TMC1: variants seen among roughly 807,000 people sequenced by gnomAD.
TMC1 encodes transmembrane channel-like protein 1.
Under a neutral mutation model 105.8 loss-of-function variants are expected in TMC1, and 84 were observed. That is an observed-to-expected ratio of 0.79 (90% CI 0.67 to 0.95). The LOEUF (loss-of-function observed/expected upper bound fraction) is 0.95, where lower values mean the gene tolerates loss of function less well. Ranked by LOEUF, TMC1 falls within the 40% of genes least tolerant of loss-of-function variation. TMC1 has a pLI of 0.00. For missense variants in TMC1, 817 were observed against 914.1 expected, an observed-to-expected ratio of 0.89 and a Z score of 1.37; for synonymous variants, 315 against 311.5, an observed-to-expected ratio of 1.01 and a Z score of -0.12.
chr9:72,575,916 C>T (rs1467922468), intron 1 of TMC1, among the ~76,000 whole-genome samples: 5 of 152,114 alleles, frequency 3.3e-5, no homozygotes, highest in Non-Finnish European at 7.4e-5. Flanking sequence ...CTCACACACA[C>T]ACACACACAC....
In TMC1 at chr9:72,653,707, G is replaced by C. The variant is rs532130441; in HGVS notation, c.16+5043G>C. ...TATACATTATAAAAATCATGATAAAGATTTCCGCCGCCTCAAAATGTTTCC... is the reference window on the plus strand; with the variant it reads ...TATACATTATAAAAATCATGATAAACATTTCCGCCGCCTCAAAATGTTTCC... On this transcript the variant is annotated intron_variant, in intron 5 of 23. Transcript: ENST00000297784. 2.6e-5 allele frequency among the ~76,000 whole-genome samples: 4 copies of C among 152,126 alleles called. No individual in the cohort carries two copies. The South Asian group carries it at 8.3e-4, about 32-fold the overall frequency.
intron 5 of TMC1, among the ~76,000 whole-genome samples, chr9:72,670,856 G>C (rs1435186326): frequency 1.3e-5 from 2 of 152,134 alleles, no homozygotes; most frequent in Non-Finnish European, 2.9e-5. Context: ...TGTAAGAAAA[G>C]AAATGGAAAC....
chr9:72,618,726 C>G (rs537630277), intron 3 of TMC1, among the ~76,000 whole-genome samples: 3 of 151,948 alleles, frequency 2.0e-5, no homozygotes, highest in Non-Finnish European at 2.9e-5. Flanking sequence ...CTTATCATAA[C>G]ATATGGATGC....
intron 5 of TMC1, among the ~76,000 whole-genome samples, chr9:72,662,582 A>G (rs1267855717): frequency 6.6e-6 from 1 of 152,138 alleles, no homozygotes; most frequent in Non-Finnish European, 1.5e-5. Context: ...TTTTGCGTGT[A>G]TCAGATCTCA....
chr9:72,826,968 G>A lies in TMC1; in HGVS notation c.2103G>A (p.Leu701=), dbSNP rs779366921. ...TGAGACAGCTTTCAAACCCTGGGCTGGTCATTGCTGTCATTTTGGTGATGG... is the reference window on the plus strand; with the variant it reads ...TGAGACAGCTTTCAAACCCTGGGCTAGTCATTGCTGTCATTTTGGTGATGG... ...KILRQLSNPG[L]VIAVILVMVL... Residue 701 remains leucine (L), a synonymous_variant, in exon 21 of 24, where the codon CTG becomes CTA. Coordinates refer to ENST00000297784, the MANE Select transcript of TMC1 (RefSeq NM_138691.3). 1 of 1,614,064 alleles carries A rather than the reference G, an allele frequency of 6.2e-7. No individual in the cohort carries two copies. Among genetic ancestry groups the A allele is most frequent in the Non-Finnish European group, 8.5e-7 (1 of 1,179,954 alleles).
chr9:72,822,623 C>T (rs1009423151), intron 20 of TMC1, among the ~76,000 whole-genome samples: 3 of 151,312 alleles, frequency 2.0e-5, no homozygotes, highest in Non-Finnish European at 4.4e-5. Context: ...TATGAAATTA[C>T]AGTCTTGATG....
chr9:72,707,093 T>A (rs991820068), intron 8 of TMC1, among the ~76,000 whole-genome samples: 2 of 152,208 alleles, frequency 1.3e-5, no homozygotes, highest in Non-Finnish European at 2.9e-5. Context: ...AATATTTCAC[T>A]CCTTTTTATG....
At chr9:72,624,360 C>T (rs556706163) in intron 3 of TMC1, among the ~76,000 whole-genome samples, 1 of 152,252 alleles carries the variant, frequency 6.6e-6, no homozygotes, top group African/African-American at 2.4e-5. Context: ...AGTGTGAGAT[C>T]TGCTTTGTGT....
At chr9:72,552,912 T>A (rs1587952918) in intron 1 of TMC1, among the ~76,000 whole-genome samples, 1 of 152,322 alleles carries the variant, frequency 6.6e-6, no homozygotes, top group East Asian at 1.9e-4. Context: ...CCATATTAAA[T>A]ATACATATAT....
chr9:72,580,695 T>A (rs1372034573), intron 2 of TMC1, among the ~76,000 whole-genome samples: 2 of 152,132 alleles, frequency 1.3e-5, no homozygotes, highest in Admixed American at 1.3e-4. Flanking sequence ...GGCATTCTGC[T>A]CCAAGCTTGA....
rs10217204 is a variant in TMC1, at chr9:72,616,301, G to A, written c.-305-67G>A. 75,504 of 151,782 alleles carry A rather than the reference G, an allele frequency of 0.5. 19,107 individuals are homozygous for A. Among genetic ancestry groups the A allele is most frequent in the African/African-American group, 0.59 (24,352 of 41,370 alleles). 9.4% of individuals were successfully genotyped at this position (151,782 alleles called of 1,614,324 possible). ...TGGTTTACAGCAGAACTGTGCTACA[G>A]TTATCTGGATTCAGATCCAAGTCCC... On this transcript the variant is annotated intron_variant, in intron 2 of 23. Coordinates refer to ENST00000297784, the MANE Select transcript of TMC1 (RefSeq NM_138691.3).
At chr9:72,613,193 G>A (rs996872319) in intron 2 of TMC1, among the ~76,000 whole-genome samples, 2 of 150,772 alleles carry the variant, frequency 1.3e-5, no homozygotes, top group African/African-American at 4.9e-5. Flanking sequence ...GTGCAATGGC[G>A]GGATCTTGGC....
chr9:72,640,873 C>T (rs1415886009), intron 4 of TMC1, among the ~76,000 whole-genome samples: 1 of 152,054 alleles, frequency 6.6e-6, no homozygotes, highest in East Asian at 1.9e-4. Context: ...CCTCATGATC[C>T]ACCCGCCTCG....
intron 6 of TMC1, among the ~76,000 whole-genome samples, chr9:72,688,990 A>C (rs111622277): frequency 1.3e-5 from 2 of 152,230 alleles, no homozygotes; most frequent in African/African-American, 4.8e-5. Context: ...CTGAAAAATC[A>C]ACAAGCAAAA....
intron 1 of TMC1, among the ~76,000 whole-genome samples, chr9:72,524,767 A>C (rs565505663): frequency 6.6e-6 from 1 of 152,326 alleles, no homozygotes; most frequent in Admixed American, 6.5e-5. Context: ...ACAGTAAAGA[A>C]GTGAGAAGAG....
chr9:72,583,430 C>T (rs1824503984), intron 2 of TMC1, among the ~76,000 whole-genome samples: 2 of 152,204 alleles, frequency 1.3e-5, no homozygotes, highest in Non-Finnish European at 1.5e-5. Context: ...CTACATTAAT[C>T]TCTTTTGCTC....
chr9:72,814,825 A>G (rs1188004833), intron 18 of TMC1, among the ~76,000 whole-genome samples: 2 of 151,678 alleles, frequency 1.3e-5, no homozygotes, highest in Non-Finnish European at 2.9e-5. Context: ...TCAGGAACCA[A>G]TTCTATCTTT....
chr9:72,668,542 C>G (rs1448566925), intron 5 of TMC1, among the ~76,000 whole-genome samples: 2 of 152,206 alleles, frequency 1.3e-5, no homozygotes, highest in Non-Finnish European at 2.9e-5. Flanking sequence ...AATAGTCCAA[C>G]TGAGTTCCCT....
intron 8 of TMC1, among the ~76,000 whole-genome samples, chr9:72,727,912 T>A (rs1827149208): frequency 6.6e-6 from 1 of 152,086 alleles, no homozygotes; most frequent in African/African-American, 2.4e-5. Context: ...TCATAGAGCT[T>A]AAAGAGACTA....
Sources: allele counts gnomAD v4.1 joint callset (sites outside exome capture counted in the v4.1 genomes callset), GRCh38; gene constraint gnomAD v4.1.1; transcripts MANE v1.5; gene names NCBI Gene and HGNC (gene_info 2026-07-23, HGNC 2026-07-21).